Variants in TYSND1 observed in about 807,000 individuals in gnomAD.
TYSND1 encodes the protein trypsin like peroxisomal matrix peptidase 1.
In TYSND1, 30 loss-of-function variants were observed where a neutral mutation model predicts 37.2. The observed-to-expected ratio is 0.81, with a 90% CI of 0.60 to 1.09. TYSND1 has a LOEUF of 1.09. Among genes scored for constraint, TYSND1 ranks in the 50% least tolerant of loss-of-function variants. TYSND1 has a pLI of 0.00. For missense variants in TYSND1, 806 were observed against 817.4 expected (o/e 0.99, Z 0.17); for synonymous variants, 364 against 383.8 (o/e 0.95, Z 0.60).
In TYSND1 at chr10:70,143,963, G is replaced by A; in HGVS notation, c.1176C>T (p.Ala392=). Residue 392 remains alanine (A), a synonymous_variant, in exon 2 of 4, where the codon GCC becomes GCT. Transcript: ENST00000287078. ...LVRSTTPKSV[A]IWGRVVFATQ... is the part of the protein sequence containing the mutation. ...TGGCAAATACCACACGGCCCCAGAT[G>A]GCCACACTCCTGGGAGCAAGGGAAA... The A allele has an allele frequency of 1.2e-6, 2 of 1,614,180 alleles. No individual in the cohort carries two copies. The highest frequency in any genetic ancestry group is 1.7e-6 in the Non-Finnish European group (2 of 1,180,022).
In TYSND1 at chr10:70,143,941, C is replaced by A; in HGVS notation, c.1198G>T (p.Ala400Ser). 6.2e-7 allele frequency: 1 copy of A among 1,614,214 alleles called. No homozygotes were observed. Among genetic ancestry groups the A allele is most frequent in the Non-Finnish European group, 8.5e-7 (1 of 1,180,032 alleles). ...SVAIWGRVVF[A>S]TQETCPYDIA... is the part of the protein sequence containing the mutation. The stretch of plus-strand genomic sequence containing the variant: ...TCATAGGGACATGTCTCCTGAGTGG[C>A]AAATACCACACGGCCCCAGATGGCC... Residue 400 changes from alanine (A) to serine (S), a missense_variant, in exon 2 of 4, where the codon GCC becomes TCC. Around this residue, in one of 3 missense-constraint regions of TYSND1, gnomAD observed 708 missense variants for 705.4 expected, o/e 1.00. Transcript: ENST00000287078.
In TYSND1 at chr10:70,146,441, T is replaced by C; in HGVS notation, c.146A>G (p.His49Arg). The part of the protein sequence containing the change: ...LSRSPGLVLC[H>R]GGIFVPFLRA... ...CAGGAAGGGGACGAAGATGCCCCCG[T>C]GGCAAAGCACCAGGCCCGGGCTACG... The change falls in exon 1 of 4, where the codon CAC becomes CGC. Residue 49 changes from histidine to arginine, a missense_variant. Coordinates refer to ENST00000287078, the MANE Select transcript of TYSND1 (RefSeq NM_173555.4). 1.2e-6 allele frequency: 2 copies of C among 1,603,664 alleles called. No homozygotes were observed. Among genetic ancestry groups the C allele is most frequent in the Non-Finnish European group, 8.5e-7 (1 of 1,178,628 alleles).
Position 70,138,268 on chromosome 10 carries a change from T to G in TYSND1, c.*1656A>C, listed in dbSNP as rs901756845. 1 of 152,142 alleles carries G rather than the reference T, an allele frequency of 6.6e-6. No individual in the cohort carries two copies. Among genetic ancestry groups the G allele is most frequent in the African/African-American group, 2.4e-5 (1 of 41,410 alleles). The allele number at this position is 152,142 out of a possible 1,614,324, so 9.4% of individuals were successfully genotyped here. ...TGTGAAAAAGGTGGGCGAACATTAG[T>G]GAAAGGATACCCAGAGGTCAGAGGC... On this transcript the variant is annotated 3_prime_UTR_variant, in exon 4 of 4. Transcript: ENST00000287078.
chr10:70,140,106 C>T lies in TYSND1; in HGVS notation c.1519G>A (p.Gly507Arg). 6.2e-7 allele frequency: 1 copy of T among 1,613,264 alleles called. No individual in the cohort carries two copies. Among genetic ancestry groups the T allele is most frequent in the South Asian group, 1.1e-5 (1 of 91,050 alleles). The change falls in exon 4 of 4, where the codon GGG becomes AGG. Residue 507 changes from glycine to arginine, a missense_variant. By Grantham distance (125) the Gly-to-Arg change is moderately radical (BLOSUM62 -2). Around this residue, in one of 3 missense-constraint regions of TYSND1, gnomAD observed 708 missense variants for 705.4 expected, o/e 1.00. Coordinates refer to ENST00000287078, the MANE Select transcript of TYSND1 (RefSeq NM_173555.4). ...ITSNTRDNNT[G>R]ATYPHLNFSI... ...AAGTTCAGGTGGGGGTAGGTGGCCC[C>T]CGTATTATTGTCCCGGGTGTTGCTG...
In TYSND1 at chr10:70,139,939, CG is replaced by C; in HGVS notation, c.1685del (p.Pro562ArgfsTer24). The C allele has an allele frequency of 6.2e-7, 1 of 1,612,932 alleles. No homozygotes were observed. Among genetic ancestry groups the C allele is most frequent in the Non-Finnish European group, 8.5e-7 (1 of 1,179,648 alleles). Reference sequence around the variant, plus strand: ...TAACACAGCCTCAGAGCTTGCTCCGCGGGGCCTCTGCCAGGGGCCGCTGCAA... The same window carrying C: ...TAACACAGCCTCAGAGCTTGCTCCGCGGGCCTCTGCCAGGGGCCGCTGCAA... ...WRLQRPLAEA[P>X]RSKL On this transcript the variant is annotated frameshift_variant, in exon 4 of 4. Coordinates refer to ENST00000287078, the MANE Select transcript of TYSND1 (RefSeq NM_173555.4). LOFTEE classifies it high-confidence loss of function.
chr10:70,144,912 C>A (rs7089403), intron 1 of TYSND1: 1 of 369,322 alleles, frequency 2.7e-6, no homozygotes, highest in Non-Finnish European at 3.7e-6. Flanking sequence ...CTTCTGATTA[C>A]GTAGAAACTC....
rs2072728795 is a variant in TYSND1 at position 70,139,693 on chromosome 10, C to A, written c.*231G>T. ...GAGTCTAGTGCTAGGGGACAGAGAA[C>A]TGGGGGCTCAAGAAAGCACCCCAAA... On this transcript the variant is annotated 3_prime_UTR_variant, in exon 4 of 4. Transcript: ENST00000287078. 7.5e-6 allele frequency: 4 copies of A among 536,050 alleles called. No individual in the cohort carries two copies. The highest frequency in any genetic ancestry group is 1.3e-5 in the Non-Finnish European group (4 of 301,674). 33.2% of individuals were successfully genotyped at this position (536,050 alleles called of 1,614,324 possible). A position where few individuals can be genotyped will look rare whatever the true frequency, so the allele number is the denominator to read the frequency against.
At chr10:70,143,529 C>G (rs1029988357) in intron 2 of TYSND1, among the ~76,000 whole-genome samples, 7 of 152,224 alleles carry the variant, frequency 4.6e-5, no homozygotes, top group African/African-American at 1.7e-4. Flanking sequence ...CATCACAAAG[C>G]CTTTTACCCA....
chr10:70,146,494 C>A lies in TYSND1; in HGVS notation c.93G>T (p.Pro31=), dbSNP rs766450887. ...TCAGGATTACCCCGCTGCAGCTCCA[C>A]GGGCCCGCCTCGGGCTGTCCGGCCC... ...ASRAGQPEAG[P]WSCSGVILSR... Residue 31 remains proline (P), a synonymous_variant, in exon 1 of 4, where the codon CCG becomes CCT. Transcript: ENST00000287078. 6.3e-7 allele frequency: 1 copy of A among 1,595,258 alleles called. No homozygotes were observed. Among genetic ancestry groups the A allele is most frequent in the South Asian group, 1.1e-5 (1 of 89,306 alleles).
At chr10:70,144,416 A>G (rs765476859) in intron 1 of TYSND1, 285 of 984,714 alleles carry the variant, frequency 2.9e-4, no homozygotes, top group Non-Finnish European at 3.4e-4. Context: ...GTTGATACCC[A>G]CAACAATCCC....
chr10:70,140,587 C>T (rs763287840), intron 3 of TYSND1, among the ~76,000 whole-genome samples: 5 of 152,076 alleles, frequency 3.3e-5, no homozygotes, highest in East Asian at 1.9e-4. Flanking sequence ...TTGGCCTGCT[C>T]GGTGCATGGA....
At position 70,143,687 on chromosome 10, in the gene TYSND1, C is replaced by T. The variant is rs528341356; in HGVS notation, c.1297+155G>A. Among the ~76,000 whole-genome samples the T allele has an allele frequency of 5.9e-5, 9 of 152,322 alleles. No individual in the cohort carries two copies. In the South Asian group the frequency reaches 1.7e-3, roughly 28 times the overall value. ...CAGCATTATCCTTCCCAGGGCACTC[C>T]ATGTGCCCCACCAGCACAAAAAGGG... On this transcript the variant is annotated intron_variant, in intron 2 of 3. Transcript: ENST00000287078.
rs1248967748 is a variant in TYSND1, at chr10:70,143,852, G to A, written c.1287C>T (p.His429=). The A allele has an allele frequency of 6.2e-7, 1 of 1,614,188 alleles. No homozygotes were observed. The highest frequency in any genetic ancestry group is 8.5e-7 in the Non-Finnish European group (1 of 1,180,010). ...DDVPIPVPAE[H]FHEGEAVSVV... The stretch of plus-strand genomic sequence containing the variant: ...CCCTTCGTCCTTTACCTTCATGGAA[G>A]TGCTCAGCGGGCACAGGGATGGGGA... The change falls in exon 2 of 4, where the codon CAC becomes CAT. Residue 429 remains histidine, a synonymous_variant. Coordinates refer to ENST00000287078, the MANE Select transcript of TYSND1 (RefSeq NM_173555.4).
In TYSND1 at chr10:70,139,702, C is replaced by G; in HGVS notation, c.*222G>C. On this transcript the variant is annotated 3_prime_UTR_variant, in exon 4 of 4. Coordinates refer to ENST00000287078, the MANE Select transcript of TYSND1 (RefSeq NM_173555.4). The stretch of plus-strand genomic sequence containing the variant: ...GCTAGGGGACAGAGAACTGGGGGCT[C>G]AAGAAAGCACCCCAAAACGGGCTGC... The G allele has an allele frequency of 1.8e-6, 1 of 541,472 alleles. No individual in the cohort carries two copies. The highest frequency in any genetic ancestry group is 3.3e-6 in the Non-Finnish European group (1 of 305,504). The allele number at this position is 541,472 out of a possible 1,614,324, so 33.5% of individuals were successfully genotyped here.
chr10:70,145,980 G>C lies in TYSND1; in HGVS notation c.607C>G (p.Pro203Ala), dbSNP rs1182500831. ...GQEEVEEERG[P>A]AMAVSPLGAV... is the part of the protein sequence containing the mutation. ...CCGAGAGGCGACACCGCCATGGCTG[G>C]CCCGCGCTCCTCCTCCACCTCCTCC... Residue 203 changes from proline (P) to alanine (A), a missense_variant, in exon 1 of 4, where the codon CCA becomes GCA. Transcript: ENST00000287078. The C allele has an allele frequency of 1.3e-6, 2 of 1,570,274 alleles. No individual in the cohort carries two copies. Among genetic ancestry groups the C allele is most frequent in the South Asian group, 1.2e-5 (1 of 85,610 alleles).
intron 3 of TYSND1, among the ~76,000 whole-genome samples, chr10:70,142,305 G>T (rs534800036): frequency 6.6e-6 from 1 of 152,116 alleles, no homozygotes; most frequent in Admixed American, 6.5e-5. Flanking sequence ...AGTCGAGTGC[G>T]CTTCAGTTTA....
chr10:70,142,878 A>G (rs1181631707), intron 2 of TYSND1, 25 bp from the exon 3 acceptor site: 1 of 1,610,144 alleles, frequency 6.2e-7, no homozygotes, highest in Admixed American at 1.7e-5. Context: ...AGGAGGGTGA[A>G]GCTGGGGACA....
In TYSND1 at chr10:70,145,794, C is replaced by T. The variant is rs1030831870; in HGVS notation, c.793G>A (p.Gly265Ser). 2.7e-6 allele frequency: 4 copies of T among 1,492,022 alleles called. No homozygotes were observed. The highest frequency in any genetic ancestry group is 2.9e-5 in the African/African-American group (2 of 68,170). The allele number at this position is 1,492,022 out of a possible 1,614,324, so 92.4% of individuals were successfully genotyped here. ...ARCLPGTEGG[G>S]VFTARPAGAL... Reference sequence around the variant, plus strand: ...CCCGCGGGCCGCGCGGTGAACACGCCGCCGCCCTCGGTGCCGGGCAGGCAG... The same window carrying T: ...CCCGCGGGCCGCGCGGTGAACACGCTGCCGCCCTCGGTGCCGGGCAGGCAG... Residue 265 changes from glycine (G) to serine (S), a missense_variant, in exon 1 of 4, where the codon GGC becomes AGC. Physicochemically the swap from Gly to Ser is moderately conservative, Grantham distance 56 (BLOSUM62 0). This residue lies in a region of TYSND1 where 708 missense variants were observed against 705.4 expected (regional missense o/e 1.00). Transcript: ENST00000287078.
In TYSND1 at chr10:70,146,435, C is replaced by T. The variant is rs757890113; in HGVS notation, c.152G>A (p.Gly51Asp). 4 of 1,602,432 alleles carry T rather than the reference C, an allele frequency of 2.5e-6. No individual in the cohort carries two copies. Among genetic ancestry groups the T allele is most frequent in the Non-Finnish European group, 2.5e-6 (3 of 1,178,306 alleles). The change falls in exon 1 of 4, where the codon GGC (glycine) becomes GAC (aspartate). Residue 51 changes from glycine to aspartate, a missense_variant. Around this residue, in one of 3 missense-constraint regions of TYSND1, gnomAD observed 84 missense variants for 79.0 expected, o/e 1.06. Transcript: ENST00000287078. ...RSPGLVLCHG[G>D]IFVPFLRAGS... ...AGCTCGCAGGAAGGGGACGAAGATGCCCCCGTGGCAAAGCACCAGGCCCGG... is the reference window on the plus strand; with the variant it reads ...AGCTCGCAGGAAGGGGACGAAGATGTCCCCGTGGCAAAGCACCAGGCCCGG...
Sources: gnomAD v4.1 joint callset for allele counts (sites outside exome capture counted in the v4.1 genomes callset) on GRCh38, gnomAD v4.1.1 for gene constraint, gnomAD v4.1.1 regional missense constraint, MANE v1.5 for transcripts, NCBI Gene and HGNC (gene_info 2026-07-23, HGNC 2026-07-21) for gene names.